The following CPNE4 variants were observed in gnomAD, a reference collection of about 807,000 sequenced individuals.
CPNE4 encodes copine-4.
Under a neutral mutation model 67.9 loss-of-function variants are expected in CPNE4, and 25 were observed. That is an observed-to-expected ratio of 0.37 (90% CI 0.27 to 0.51). CPNE4 has a LOEUF of 0.51. Among genes scored for constraint, CPNE4 ranks in the 20% least tolerant of loss-of-function variants. CPNE4 has a pLI of 0.93. For missense variants in CPNE4, 464 were observed against 690.8 expected (o/e 0.67, Z 3.68); for synonymous variants, 242 against 244.9 (o/e 0.99, Z 0.11).
chr3:131,846,665 G>A (rs533940669), intron 2 of CPNE4, among the ~76,000 whole-genome samples: 176 of 152,126 alleles, frequency 1.2e-3, no homozygotes, highest in Non-Finnish European at 1.8e-3. Flanking sequence ...GAATAAACTG[G>A]CTGCTTTGTG....
At chr3:131,560,864 T>TA (rs1242573499) in intron 11 of CPNE4, among the ~76,000 whole-genome samples, 1 of 151,926 alleles carries the variant, frequency 6.6e-6, no homozygotes, top group Non-Finnish European at 1.5e-5. Context: ...GGGGTGCAGG[T>TA]ATCGTCACAT....
At chr3:131,551,940 G>T (rs1369136888) in intron 13 of CPNE4, among the ~76,000 whole-genome samples, 1 of 151,920 alleles carries the variant, frequency 6.6e-6, no homozygotes, top group African/African-American at 2.4e-5. Context: ...GGCTTTCTCT[G>T]GCACAAAGCC....
At chr3:131,843,234 G>A (rs1384138908) in intron 2 of CPNE4, among the ~76,000 whole-genome samples, 1 of 152,218 alleles carries the variant, frequency 6.6e-6, no homozygotes, top group Non-Finnish European at 1.5e-5. Flanking sequence ...AAGGCAGTGG[G>A]GAGGGGAAGA....
chr3:131,632,648 G>T (rs998561008), intron 7 of CPNE4, among the ~76,000 whole-genome samples: 5 of 151,906 alleles, frequency 3.3e-5, no homozygotes, highest in African/African-American at 4.8e-5. Flanking sequence ...TTTTCCCCCA[G>T]TATTACTAGA....
Position 132,034,920 on chromosome 3 carries a change from G to C in CPNE4, c.-355C>G, listed in dbSNP as rs1044148657. ...AAAGAGGGAGGGAGTGGAGTGGAGC[G>C]AGGGAGGAAGGAAAGGAGGGTGGCA... On this transcript the variant is annotated 5_prime_UTR_variant, in exon 1 of 16. Coordinates refer to ENST00000429747, the MANE Select transcript of CPNE4 (RefSeq NM_130808.3). 49 of 985,316 alleles carry C rather than the reference G, an allele frequency of 5.0e-5. 1 individual carries two copies. In the Middle Eastern group the frequency reaches 3.1e-3, roughly 63 times the overall value. The allele number at this position is 985,316 out of a possible 1,614,324, so 61.0% of individuals were successfully genotyped here.
At chr3:131,557,145 C>T (rs1299994393) in intron 11 of CPNE4, among the ~76,000 whole-genome samples, 5 of 152,102 alleles carry the variant, frequency 3.3e-5, no homozygotes, top group Non-Finnish European at 5.9e-5. Context: ...AAATAAGACC[C>T]TCTTTAATCG....
intron 1 of CPNE4, among the ~76,000 whole-genome samples, chr3:131,976,027 TA>T (rs1191534650): frequency 1.3e-5 from 2 of 148,150 alleles, no homozygotes; most frequent in Non-Finnish European, 3.0e-5. Context: ...TGCTGATATT[TA>T]AAAAAAAACT....
At chr3:131,844,458 A>C (rs371239893) in intron 2 of CPNE4, among the ~76,000 whole-genome samples, 5 of 152,036 alleles carry the variant, frequency 3.3e-5, no homozygotes, top group Admixed American at 2.0e-4. Flanking sequence ...AGTAGAGACG[A>C]GGTTTCACCA....
chr3:131,915,849 A>T (rs982098050), intron 1 of CPNE4, among the ~76,000 whole-genome samples: 5 of 152,144 alleles, frequency 3.3e-5, no homozygotes, highest in South Asian at 2.1e-4. Context: ...TACAATTTTG[A>T]CTCTAACAAT....
intron 1 of CPNE4, among the ~76,000 whole-genome samples, chr3:131,977,910 A>G (rs1262531642): frequency 1.3e-5 from 2 of 150,454 alleles, no homozygotes; most frequent in Non-Finnish European, 2.9e-5. Flanking sequence ...TTGCTCCCAC[A>G]TATCAGTGAG....
intron 2 of CPNE4, among the ~76,000 whole-genome samples, chr3:131,821,588 G>T (rs2084962451): frequency 6.6e-6 from 1 of 152,180 alleles, no homozygotes; most frequent in African/African-American, 2.4e-5. Flanking sequence ...TGGTGTGTTG[G>T]TTTCCACTGT....
At chr3:131,696,271 G>A (rs958781730) in intron 5 of CPNE4, among the ~76,000 whole-genome samples, 5 of 152,054 alleles carry the variant, frequency 3.3e-5, no homozygotes, top group African/African-American at 1.2e-4. Context: ...TAGAAATGGG[G>A]TTAAATCATA....
intron 1 of CPNE4, among the ~76,000 whole-genome samples, chr3:131,942,473 A>T (rs201435191): frequency 0.12 from 8,211 of 68,862 alleles, 155 homozygotes; most frequent in African/African-American, 0.14. Context: ...TGAGAGAGAG[A>T]GAGAGAGAGA....
intron 7 of CPNE4, among the ~76,000 whole-genome samples, chr3:131,636,767 G>C (rs2079398912): frequency 6.6e-6 from 1 of 152,066 alleles, no homozygotes; most frequent in Non-Finnish European, 1.5e-5. Context: ...ACACAACTAA[G>C]GACCCTGATA....
intron 2 of CPNE4, among the ~76,000 whole-genome samples, chr3:131,900,051 A>T (rs2088491497): frequency 6.6e-6 from 1 of 151,348 alleles, no homozygotes; most frequent in Admixed American, 6.6e-5. Flanking sequence ...ACATCTGGGT[A>T]GGTGGAGTGG....
rs2081015286 is a variant in CPNE4 at position 131,690,737 on chromosome 3, A to AG, written c.508-4780_508-4779insC. ...TAAAGAGCTTCTGCACAGTTAAAAA[A>AG]AAAACTATTAACAGACTAAACAAGT... On this transcript the variant is annotated intron_variant, in intron 5 of 15. Transcript: ENST00000429747. Among the ~76,000 whole-genome samples the AG allele has an allele frequency of 2.0e-5, 3 of 151,976 alleles. No individual in the cohort carries two copies. The South Asian group carries it at 6.2e-4, about 32-fold the overall frequency.
intron 2 of CPNE4, among the ~76,000 whole-genome samples, chr3:131,812,599 G>C (rs1415479906): frequency 6.6e-6 from 1 of 152,198 alleles, no homozygotes; most frequent in Non-Finnish European, 1.5e-5. Context: ...ACATGCAAAT[G>C]TTGTGTGCCT....
intron 2 of CPNE4, among the ~76,000 whole-genome samples, chr3:131,889,829 A>C (rs1247359078): frequency 6.6e-6 from 1 of 152,180 alleles, no homozygotes; most frequent in East Asian, 1.9e-4. Context: ...GGTGCCAAGG[A>C]CACACAATGG....
At chr3:131,933,748 G>A (rs894113795) in intron 1 of CPNE4, among the ~76,000 whole-genome samples, 6 of 151,000 alleles carry the variant, frequency 4.0e-5, no homozygotes, top group African/African-American at 1.2e-4. Context: ...AATGAACCTG[G>A]AGGACATTAT....
Sources: gnomAD v4.1 joint callset for allele counts (sites outside exome capture counted in the v4.1 genomes callset) on GRCh38, gnomAD v4.1.1 for gene constraint, MANE v1.5 for transcripts, NCBI Gene and HGNC (gene_info 2026-07-23, HGNC 2026-07-21) for gene names.